Variants in UBE2H observed in about 807,000 individuals in gnomAD.
UBE2H encodes the protein ubiquitin conjugating enzyme E2 H.
Under a neutral mutation model 29.0 loss-of-function variants are expected in UBE2H, and 3 were observed. The observed-to-expected ratio is 0.10, with a 90% CI of 0.05 to 0.27. The LOEUF is 0.27. UBE2H is among the 10% of genes least tolerant of loss of function. UBE2H has a pLI of 1.00. For synonymous variants in UBE2H, 69 were observed against 82.9 expected, an observed-to-expected ratio of 0.83 and a Z score of 0.91; for missense variants, 68 against 228.2, an observed-to-expected ratio of 0.30 and a Z score of 4.52.
intron 1 of UBE2H, among the ~76,000 whole-genome samples, chr7:129,924,214 C>T (rs1807219602): frequency 6.6e-6 from 1 of 152,100 alleles, no homozygotes. Flanking sequence ...TCTACAAAAA[C>T]ATTTGTTTAA....
At chr7:129,890,313 AT>A (rs1806453938) in intron 1 of UBE2H, among the ~76,000 whole-genome samples, 1 of 151,602 alleles carries the variant, frequency 6.6e-6, no homozygotes, top group Non-Finnish European at 1.5e-5. Flanking sequence ...ATACGTGTAT[AT>A]ATGTATGTAT....
intron 1 of UBE2H, among the ~76,000 whole-genome samples, chr7:129,917,755 G>A (rs1807073391): frequency 6.6e-6 from 1 of 151,746 alleles, no homozygotes; most frequent in African/African-American, 2.4e-5. Flanking sequence ...GAAAAGGAGG[G>A]GTAAAAAAAC....
At chr7:129,885,048 G>A (rs1011530072) in intron 1 of UBE2H, among the ~76,000 whole-genome samples, 48 of 150,138 alleles carry the variant, frequency 3.2e-4, no homozygotes, top group Middle Eastern at 6.8e-3. Flanking sequence ...GCCTGAGAGA[G>A]AGAGAACTTC....
chr7:129,854,275 G>A (rs1339520795), intron 5 of UBE2H, among the ~76,000 whole-genome samples: 1 of 152,038 alleles, frequency 6.6e-6, no homozygotes, highest in Non-Finnish European at 1.5e-5. Context: ...AAGGTCATCT[G>A]AACGAACATA....
chr7:129,869,233 C>T (rs893250110), intron 3 of UBE2H, among the ~76,000 whole-genome samples: 1 of 151,952 alleles, frequency 6.6e-6, no homozygotes, highest in Non-Finnish European at 1.5e-5. Context: ...CCACCGTGCC[C>T]GGCTTGTTTC....
Position 129,917,963 on chromosome 7 carries a change from G to A in UBE2H, c.53+34540C>T, listed in dbSNP as rs1236045558. Among the ~76,000 whole-genome samples, 6 of 151,902 alleles carry A rather than the reference G, an allele frequency of 3.9e-5. No homozygotes were observed. In the East Asian group the frequency reaches 5.8e-4, roughly 15 times the overall value. Reference sequence around the variant, plus strand: ...AAGCTAGTATCAAGTATGCACACGCGAATAAGTGCTTACTATTCCATGCTA... The same window carrying A: ...AAGCTAGTATCAAGTATGCACACGCAAATAAGTGCTTACTATTCCATGCTA... On this transcript the variant is annotated intron_variant, in intron 1 of 6. Coordinates refer to ENST00000355621, the MANE Select transcript of UBE2H (RefSeq NM_003344.4).
Position 129,836,635 on chromosome 7 carries a change from T to C in UBE2H, c.428-1574A>G, listed in dbSNP as rs559541666. ...CGGCTCATGCCTGTAAACCCAGCAC[T>C]TTGGGAGGCCAAGGCGGGTATATCA... On this transcript the variant is annotated intron_variant, in intron 6 of 6. Coordinates refer to ENST00000355621, the MANE Select transcript of UBE2H (RefSeq NM_003344.4). Among the ~76,000 whole-genome samples the C allele has an allele frequency of 2.0e-5, 3 of 152,172 alleles. 1 individual carries two copies. The highest frequency in any genetic ancestry group is 7.2e-5 in the African/African-American group (3 of 41,536).
chr7:129,904,761 T>A (rs1410256204), intron 1 of UBE2H, among the ~76,000 whole-genome samples: 1 of 152,170 alleles, frequency 6.6e-6, no homozygotes, highest in Admixed American at 6.5e-5. Context: ...AGAGAGCATC[T>A]GCCCTCTGAA....
chr7:129,906,951 T>C (rs988411920), intron 1 of UBE2H, among the ~76,000 whole-genome samples: 1 of 152,218 alleles, frequency 6.6e-6, no homozygotes, highest in Admixed American at 6.5e-5. Flanking sequence ...TAATGACTAA[T>C]ACTAGTTTTG....
intron 3 of UBE2H, among the ~76,000 whole-genome samples, chr7:129,860,319 G>A (rs1276152580): frequency 2.0e-5 from 3 of 152,040 alleles, no homozygotes; most frequent in African/African-American, 7.2e-5. Context: ...CCTATGTGAT[G>A]TTTAAGTTAC....
chr7:129,839,380 A>G, intron 5 of UBE2H, 45 bp from the exon 6 acceptor site: 1 of 1,608,154 alleles, frequency 6.2e-7, no homozygotes, highest in Non-Finnish European at 8.5e-7. Context: ...ATGCAAGTTC[A>G]CCTAAAATTC....
chr7:129,918,754 C>A (rs191952531), intron 1 of UBE2H, among the ~76,000 whole-genome samples: 2 of 152,132 alleles, frequency 1.3e-5, no homozygotes, highest in African/African-American at 4.8e-5. Context: ...ACAATGTAGA[C>A]CCTTTCTCTA....
intron 1 of UBE2H, among the ~76,000 whole-genome samples, chr7:129,927,115 T>A (rs1416039979): frequency 3.3e-5 from 5 of 152,220 alleles, no homozygotes; most frequent in Non-Finnish European, 7.3e-5. Flanking sequence ...ATGCCTAGGC[T>A]TTTTATTCAT....
intron 1 of UBE2H, among the ~76,000 whole-genome samples, chr7:129,944,746 A>ACACACACACACG (rs1554441968): frequency 7.5e-6 from 1 of 133,272 alleles, no homozygotes; most frequent in Non-Finnish European, 1.7e-5. Flanking sequence ...ACACACACAC[A>ACACACACACACG]CACACGCACG....
At chr7:129,911,664 G>A (rs551478184) in intron 1 of UBE2H, among the ~76,000 whole-genome samples, 4 of 152,108 alleles carry the variant, frequency 2.6e-5, no homozygotes, top group Admixed American at 6.5e-5. Context: ...TAGAGACAGG[G>A]TCTCACTCTG....
chr7:129,918,079 G>C (rs559890241), intron 1 of UBE2H, among the ~76,000 whole-genome samples: 1 of 152,126 alleles, frequency 6.6e-6, no homozygotes, highest in African/African-American at 2.4e-5. Context: ...TTAGACACTG[G>C]CAGGCCTCAA....
At chr7:129,929,032 T>G (rs936128536) in intron 1 of UBE2H, among the ~76,000 whole-genome samples, 2 of 151,830 alleles carry the variant, frequency 1.3e-5, no homozygotes, top group African/African-American at 4.8e-5. Context: ...AGAGTAACAT[T>G]TAGGGGCCAG....
At chr7:129,928,492 ACT>A (rs1407237185) in intron 1 of UBE2H, among the ~76,000 whole-genome samples, 6 of 152,130 alleles carry the variant, frequency 3.9e-5, no homozygotes, top group African/African-American at 1.4e-4. Context: ...AATCCCAGCT[ACT>A]CAGAAGCCTG....
At chr7:129,917,920 T>C (rs1396480141) in intron 1 of UBE2H, among the ~76,000 whole-genome samples, 1 of 152,222 alleles carries the variant, frequency 6.6e-6, no homozygotes, top group African/African-American at 2.4e-5. Context: ...CTAGCACAAG[T>C]GTGAGACTTC....
Sources: allele counts gnomAD v4.1 joint callset (sites outside exome capture counted in the v4.1 genomes callset), GRCh38; gene constraint gnomAD v4.1.1; transcripts MANE v1.5; gene names NCBI Gene and HGNC (gene_info 2026-07-23, HGNC 2026-07-21).